Variants in SHROOM3 observed in about 807,000 individuals in gnomAD.
SHROOM3 encodes shroom family member 3.
In SHROOM3, 47 loss-of-function variants were observed where a neutral mutation model predicts 138.6. That is an observed-to-expected ratio of 0.34 (90% CI 0.27 to 0.43). The LOEUF (loss-of-function observed/expected upper bound fraction) is 0.43. SHROOM3 is among the 20% of genes least tolerant of loss of function. The pLI, the probability that SHROOM3 is intolerant of heterozygous loss-of-function variation, is 1.00. For missense variants in SHROOM3, 2,491 were observed against 2,596.5 expected, an observed-to-expected ratio of 0.96 and a Z score of 0.88; for synonymous variants, 1,062 against 1,063.3, an observed-to-expected ratio of 1.00 and a Z score of 0.02.
At chr4:76,771,680 T>C (rs926854131) in intron 10 of SHROOM3, among the ~76,000 whole-genome samples, 2 of 152,130 alleles carry the variant, frequency 1.3e-5, no homozygotes, top group Admixed American at 6.5e-5. Flanking sequence ...TGGAGACAAT[T>C]CACCAAGAGC....
At chr4:76,457,616 C>T (rs1440131105) in intron 1 of SHROOM3, among the ~76,000 whole-genome samples, 2 of 151,688 alleles carry the variant, frequency 1.3e-5, no homozygotes, top group African/African-American at 4.8e-5. Flanking sequence ...CTCAGCCTCC[C>T]GAGTAGCTGG....
At chr4:76,646,252 T>TATATA (rs1404315808) in intron 2 of SHROOM3, among the ~76,000 whole-genome samples, 1 of 87,150 alleles carries the variant, frequency 1.1e-5, no homozygotes, top group Non-Finnish European at 2.2e-5. Flanking sequence ...ATATATAAAA[T>TATATA]TAAAAAAAAG....
At chr4:76,659,497 C>T (rs920679226) in intron 2 of SHROOM3, among the ~76,000 whole-genome samples, 4 of 152,240 alleles carry the variant, frequency 2.6e-5, no homozygotes, top group African/African-American at 7.2e-5. Flanking sequence ...CAGTTGTTGG[C>T]TCTCTTTGCA....
chr4:76,665,956 C>T (rs1208438177), intron 2 of SHROOM3, among the ~76,000 whole-genome samples: 1 of 152,216 alleles, frequency 6.6e-6, no homozygotes, highest in Non-Finnish European at 1.5e-5. Flanking sequence ...TGCTGACCTA[C>T]CTGACCTGGC....
intron 8 of SHROOM3, among the ~76,000 whole-genome samples, chr4:76,759,188 T>G (rs560665254): frequency 1.3e-5 from 2 of 152,354 alleles, no homozygotes; most frequent in Non-Finnish European, 2.9e-5. Flanking sequence ...TTCACATTGA[T>G]TGAGTCATGG....
At chr4:76,518,115 G>C (rs71607358) in intron 1 of SHROOM3, among the ~76,000 whole-genome samples, 2 of 152,134 alleles carry the variant, frequency 1.3e-5, no homozygotes, top group East Asian at 1.9e-4. Flanking sequence ...TTGGTTGTGT[G>C]TGTGTATGTG....
At chr4:76,722,079 C>T (rs775015273) in intron 3 of SHROOM3, among the ~76,000 whole-genome samples, 9 of 152,064 alleles carry the variant, frequency 5.9e-5, no homozygotes, top group Admixed American at 2.6e-4. Flanking sequence ...GGCTGCAGTA[C>T]GCTATGATCA....
chr4:76,621,870 C>T (rs947697066), intron 2 of SHROOM3, among the ~76,000 whole-genome samples: 1 of 148,444 alleles, frequency 6.7e-6, no homozygotes, highest in Non-Finnish European at 1.5e-5. Flanking sequence ...CACTCTGTTA[C>T]CCAGGCTGGA....
chr4:76,524,614 G>A (rs150832221), intron 1 of SHROOM3, among the ~76,000 whole-genome samples: 9 of 152,336 alleles, frequency 5.9e-5, no homozygotes, highest in African/African-American at 2.2e-4. Context: ...GATGGGGCAT[G>A]TTAGGTTTCA....
At chr4:76,575,000 C>T (rs1315874132) in intron 2 of SHROOM3, among the ~76,000 whole-genome samples, 2 of 152,200 alleles carry the variant, frequency 1.3e-5, no homozygotes, top group Non-Finnish European at 2.9e-5. Context: ...GATCATTCAT[C>T]ACAACCAAGC....
chr4:76,529,000 C>T (rs1732772735), intron 1 of SHROOM3, among the ~76,000 whole-genome samples: 1 of 152,210 alleles, frequency 6.6e-6, no homozygotes, highest in Non-Finnish European at 1.5e-5. Flanking sequence ...CTTTAGGTAT[C>T]TATCCTCACT....
intron 1 of SHROOM3, among the ~76,000 whole-genome samples, chr4:76,551,364 C>T (rs1035425414): frequency 5.9e-5 from 9 of 152,172 alleles, no homozygotes; most frequent in African/African-American, 2.2e-4. Flanking sequence ...TCTTGACTTC[C>T]TTTTTTAATA....
chr4:76,751,912 C>T lies in SHROOM3; in HGVS notation c.3828-2399C>T, dbSNP rs577551252. On this transcript the variant is annotated intron_variant, in intron 6 of 10. Transcript: ENST00000296043. The stretch of plus-strand genomic sequence containing the variant: ...GAAAAACAGCATGGAGATCTCAGAA[C>T]ATTAAAAATAGAACTACCATATGAT... Among the ~76,000 whole-genome samples, 20 of 152,288 alleles carry T rather than the reference C, an allele frequency of 1.3e-4. No homozygotes were observed. The East Asian group carries it at 3.9e-3, about 29-fold the overall frequency.
At chr4:76,583,869 C>T (rs549321841) in intron 2 of SHROOM3, among the ~76,000 whole-genome samples, 1 of 152,222 alleles carries the variant, frequency 6.6e-6, no homozygotes, top group South Asian at 2.1e-4. Flanking sequence ...CAAAAATTAT[C>T]AAATATTGGC....
At chr4:76,693,550 A>AT (rs1341308507) in intron 2 of SHROOM3, among the ~76,000 whole-genome samples, 16 of 151,094 alleles carry the variant, frequency 1.1e-4, no homozygotes, top group Non-Finnish European at 2.1e-4. Flanking sequence ...TACCCAGCTA[A>AT]TTATTTTTGT....
chr4:76,456,828 TA>T (rs1731036683), intron 1 of SHROOM3, among the ~76,000 whole-genome samples: 1 of 152,164 alleles, frequency 6.6e-6, no homozygotes, highest in Non-Finnish European at 1.5e-5. Context: ...GGTGGTGGAT[TA>T]TCATTAGTTC....
chr4:76,727,119 G>A (rs1720729793), intron 3 of SHROOM3, among the ~76,000 whole-genome samples: 1 of 152,206 alleles, frequency 6.6e-6, no homozygotes. Context: ...ATGAGCAGTA[G>A]GAAGATGACA....
At chr4:76,493,252 C>G (rs1731894788) in intron 1 of SHROOM3, among the ~76,000 whole-genome samples, 2 of 148,892 alleles carry the variant, frequency 1.3e-5, no homozygotes, top group South Asian at 4.2e-4. Flanking sequence ...AAAAAAATGC[C>G]TAGTTACATT....
intron 2 of SHROOM3, among the ~76,000 whole-genome samples, chr4:76,702,873 A>G (rs556834662): frequency 6.6e-6 from 1 of 152,306 alleles, no homozygotes; most frequent in African/African-American, 2.4e-5. Flanking sequence ...AAGATTTGGC[A>G]GGTCATTTGG....
Sources: allele counts gnomAD v4.1 joint callset (sites outside exome capture counted in the v4.1 genomes callset), GRCh38; gene constraint gnomAD v4.1.1; transcripts MANE v1.5; gene names NCBI Gene and HGNC (gene_info 2026-07-23, HGNC 2026-07-21).